Variants in UGT3A1 observed in about 807,000 individuals in gnomAD.
UGT3A1 encodes the protein UDP-glycosyltransferase 3A1.
In UGT3A1, 40 loss-of-function variants were observed where a neutral mutation model predicts 37.6. That is an observed-to-expected ratio of 1.06 (90% CI 0.83 to 1.38). UGT3A1 has a LOEUF of 1.38. UGT3A1 is among the 40% of genes most tolerant of loss of function. The probability of loss-of-function intolerance (pLI) is 0.00; values close to 1 mark genes in which losing one functional copy is unlikely to be tolerated. For synonymous variants in UGT3A1, 256 were observed against 232.3 expected (o/e 1.10, Z -0.93); for missense variants, 642 against 634.2 (o/e 1.01, Z -0.13).
Position 35,952,580 on chromosome 5 carries a change from G to T in UGT3A1, c.*1622C>A, listed in dbSNP as rs374436181. 2.0e-5 allele frequency: 3 copies of T among 152,182 alleles called. No individual in the cohort carries two copies. The highest frequency in any genetic ancestry group is 4.8e-5 in the African/African-American group (2 of 41,412). 9.4% of individuals were successfully genotyped at this position (152,182 alleles called of 1,614,324 possible). A position where few individuals can be genotyped will look rare whatever the true frequency, so the allele number is the denominator to read the frequency against. ...GAGAAAGGCTATGTTCTGGGGTGAG[G>T]GGGGAGTTACTGGCCAGGGAGGCTT... On this transcript the variant is annotated 3_prime_UTR_variant, in exon 7 of 7. Transcript: ENST00000274278.
At chr5:35,962,225 A>G (rs1198293440) in intron 4 of UGT3A1, 1 of 152,308 alleles carries the variant, frequency 6.6e-6, no homozygotes, top group Non-Finnish European at 1.5e-5. Context: ...GAGTTCAAAT[A>G]CCTGGGTTAA....
rs769079508 is a variant in UGT3A1 at position 35,957,414 on chromosome 5, C to G, written c.849G>C (p.Leu283Phe). The G allele has an allele frequency of 6.2e-7, 1 of 1,613,764 alleles. No homozygotes were observed. The highest frequency in any genetic ancestry group is 8.5e-7 in the Non-Finnish European group (1 of 1,179,886). Residue 283 changes from leucine to phenylalanine, a missense_variant, in exon 5 of 7, where the codon TTG becomes TTC. Physicochemically the swap from Leu to Phe is conservative, Grantham distance 22. Coordinates refer to ENST00000274278, the MANE Select transcript of UGT3A1 (RefSeq NM_152404.4). The stretch of plus-strand genomic sequence containing the variant: ...CCCCAAAGTTGGCAATGAAGTTGTC[C>G]AAGTCCTAGAGAGAGATGACAAAAG... ...EKPIKPVPQD[L>F]DNFIANFGDA...
intron 4 of UGT3A1, chr5:35,962,946 C>T (rs1489119252): frequency 5.7e-6 from 4 of 702,820 alleles, no homozygotes; most frequent in African/African-American, 1.7e-5. Context: ...GAGCTGGTTG[C>T]CCATTCTGAA....
At chr5:35,974,580 G>A (rs1433697971) in intron 2 of UGT3A1, among the ~76,000 whole-genome samples, 2 of 152,160 alleles carry the variant, frequency 1.3e-5, no homozygotes, top group South Asian at 2.1e-4. Flanking sequence ...CAGAAAACAC[G>A]TGGATCTTGG....
intron 4 of UGT3A1, 28 bp downstream of exon 4, chr5:35,965,358 C>A: frequency 6.2e-7 from 1 of 1,603,606 alleles, no homozygotes; most frequent in South Asian, 1.1e-5. Context: ...TATGTGAATC[C>A]CAAACTGAAT....
chr5:35,955,969 T>C, intron 5 of UGT3A1, 105 bp from the exon 6 acceptor site: 1 of 1,153,390 alleles, frequency 8.7e-7, no homozygotes, highest in Non-Finnish European at 1.2e-6. Flanking sequence ...CAAGGTCTGT[T>C]GAGAAAATGA....
At chr5:35,956,477 T>C (rs1739361482) in intron 5 of UGT3A1, among the ~76,000 whole-genome samples, 1 of 152,240 alleles carries the variant, frequency 6.6e-6, no homozygotes, top group African/African-American at 2.4e-5. Context: ...ACCTGTATCT[T>C]AATTTACCAA....
At position 35,965,428 on chromosome 5, in the gene UGT3A1, A is replaced by G; in HGVS notation, c.801T>C (p.Tyr267=). 1 of 1,614,154 alleles carries G rather than the reference A, an allele frequency of 6.2e-7. No homozygotes were observed. Among genetic ancestry groups the G allele is most frequent in the Non-Finnish European group, 8.5e-7 (1 of 1,180,014 alleles). The change falls in exon 4 of 7, where the codon TAT becomes TAC. Residue 267 remains tyrosine, a synonymous_variant. Transcript: ENST00000274278. ...TAGGTTTTTCCATCAAGCCTCCAAT[A>G]TAAACAGTGTTGGGAAGCAGGGGCC... ...FARPLLPNTV[Y]IGGLMEKPIK...
At chr5:35,982,232 G>A (rs772346752) in intron 2 of UGT3A1, among the ~76,000 whole-genome samples, 40 of 152,352 alleles carry the variant, frequency 2.6e-4, no homozygotes, top group Non-Finnish European at 3.2e-4. Flanking sequence ...AGTCCCCACT[G>A]GGGCATTGCC....
rs138412374 is a variant in UGT3A1 at position 35,951,525 on chromosome 5, A to G, written c.*2677T>C. On this transcript the variant is annotated 3_prime_UTR_variant, in exon 7 of 7. Transcript: ENST00000274278. ...TGTTTATTGTAGTTTAAAGCTGAATATTATTTCAGTATGTATATGTATCAT... is the reference window on the plus strand; with the variant it reads ...TGTTTATTGTAGTTTAAAGCTGAATGTTATTTCAGTATGTATATGTATCAT... 9.2e-5 allele frequency: 14 copies of G among 152,346 alleles called. No homozygotes were observed. In the East Asian group the frequency reaches 1.3e-3, roughly 15 times the overall value. 9.4% of individuals were successfully genotyped at this position (152,346 alleles called of 1,614,324 possible).
chr5:35,996,806 G>C (rs1420564879), intron 2 of UGT3A1, among the ~76,000 whole-genome samples: 1 of 152,156 alleles, frequency 6.6e-6, no homozygotes, highest in Non-Finnish European at 1.5e-5. Context: ...GGAGAAGAAA[G>C]AACATTGGAA....
Position 35,951,019 on chromosome 5 carries a change from C to T in UGT3A1, c.*3183G>A, listed in dbSNP as rs1739191120. On this transcript the variant is annotated 3_prime_UTR_variant, in exon 7 of 7. Coordinates refer to ENST00000274278, the MANE Select transcript of UGT3A1 (RefSeq NM_152404.4). ...TAGACTACAAGATTCGTTTGGAGTTCTTTTTTTTTTCTGTTGATTGATTGT... is the reference window on the plus strand; with the variant it reads ...TAGACTACAAGATTCGTTTGGAGTTTTTTTTTTTTTCTGTTGATTGATTGT... The T allele has an allele frequency of 6.7e-6, 1 of 148,920 alleles. No individual in the cohort carries two copies. Among genetic ancestry groups the T allele is most frequent in the Non-Finnish European group, 1.5e-5 (1 of 66,942 alleles). 9.2% of individuals were successfully genotyped at this position (148,920 alleles called of 1,614,324 possible). A position where few individuals can be genotyped will look rare whatever the true frequency, so the allele number is the denominator to read the frequency against.
chr5:35,953,374 C>T lies in UGT3A1; in HGVS notation c.*828G>A, dbSNP rs1161517063. The T allele has an allele frequency of 2.0e-5, 3 of 152,448 alleles. No individual in the cohort carries two copies. In the East Asian group the frequency reaches 5.6e-4, roughly 29 times the overall value. 9.4% of individuals were successfully genotyped at this position (152,448 alleles called of 1,614,324 possible). A position where few individuals can be genotyped will look rare whatever the true frequency, so the allele number is the denominator to read the frequency against. ...GGTGTTTACGCCATGGTTTTTCTTG[C>T]TTCTGTTCCTAGCAGATTAAGGTAA... On this transcript the variant is annotated 3_prime_UTR_variant, in exon 7 of 7. Coordinates refer to ENST00000274278, the MANE Select transcript of UGT3A1 (RefSeq NM_152404.4).
At chr5:35,996,325 A>G (rs1045946552), upstream of UGT3A1, among the ~76,000 whole-genome samples, 1 of 152,192 alleles carries the variant, frequency 6.6e-6, no homozygotes, top group Non-Finnish European at 1.5e-5. Flanking sequence ...AGAGATTCAT[A>G]TAATAATAAA....
At chr5:35,993,758 C>T (rs1265261505), upstream of UGT3A1, among the ~76,000 whole-genome samples, 1 of 152,166 alleles carries the variant, frequency 6.6e-6, no homozygotes, top group South Asian at 2.1e-4. Context: ...TGCAGCCTCT[C>T]ATCTCTCGTG....
chr5:35,997,654 T>C (rs947936693), intron 1 of UGT3A1, among the ~76,000 whole-genome samples: 1 of 152,164 alleles, frequency 6.6e-6, no homozygotes, highest in African/African-American at 2.4e-5. Flanking sequence ...CTCAAACTCC[T>C]GACCTCGTGA....
intron 2 of UGT3A1, among the ~76,000 whole-genome samples, chr5:35,984,479 T>TA (rs1429606609): frequency 2.0e-4 from 30 of 150,740 alleles, no homozygotes; most frequent in Non-Finnish European, 3.3e-4. Flanking sequence ...AGAATTTTTT[T>TA]TTTTTTTTTT....
chr5:35,966,647 G>A (rs185016800), intron 3 of UGT3A1, among the ~76,000 whole-genome samples: 15 of 152,244 alleles, frequency 9.9e-5, no homozygotes, highest in Admixed American at 9.8e-4. Flanking sequence ...ATAATTGCTT[G>A]CATGGAAAAT....
upstream of UGT3A1, among the ~76,000 whole-genome samples, chr5:35,991,982 CTG>C (rs1740965735): frequency 1.3e-5 from 2 of 152,226 alleles, no homozygotes; most frequent in South Asian, 4.1e-4. Context: ...AAAGCACAAA[CTG>C]AGAATAGCTT....
Sources: allele counts gnomAD v4.1 joint callset (sites outside exome capture counted in the v4.1 genomes callset), GRCh38; gene constraint gnomAD v4.1.1; transcripts MANE v1.5; gene names NCBI Gene and HGNC (gene_info 2026-07-23, HGNC 2026-07-21).